The following MRPS27 variants were observed in gnomAD, a reference collection of about 807,000 sequenced individuals.
The protein encoded by MRPS27 is small ribosomal subunit protein mS27.
MRPS27 carries 43 observed loss-of-function variants against 48.9 expected under a neutral mutation model. That is an observed-to-expected ratio of 0.88 (90% CI 0.69 to 1.13). The LOEUF is 1.13. Among genes scored for constraint, MRPS27 ranks in the 50% most tolerant of loss-of-function variants. The pLI, the probability that MRPS27 is intolerant of heterozygous loss-of-function variation, is 0.00. For synonymous variants in MRPS27, 188 were observed against 171.9 expected, an observed-to-expected ratio of 1.09 and a Z score of -0.73; for missense variants, 467 against 476.3, an observed-to-expected ratio of 0.98 and a Z score of 0.18.
chr5:72,308,400 T>A (rs1361431800), intron 2 of MRPS27, among the ~76,000 whole-genome samples: 1 of 152,206 alleles, frequency 6.6e-6, no homozygotes, highest in Non-Finnish European at 1.5e-5. Context: ...GAAAGCCTCA[T>A]ATCGGCCCTC....
At chr5:72,284,502 G>A (rs1423886353) in intron 4 of MRPS27, among the ~76,000 whole-genome samples, 3 of 151,838 alleles carry the variant, frequency 2.0e-5, no homozygotes, top group Admixed American at 6.6e-5. Flanking sequence ...AAAAGAGAAG[G>A]GGGGAGGGAA....
At chr5:72,288,693 A>G (rs1415571007) in intron 4 of MRPS27, 1 of 152,264 alleles carries the variant, frequency 6.6e-6, no homozygotes, top group African/African-American at 2.4e-5. Context: ...ATTAAAGTAT[A>G]GAAGTGCTAC....
intron 10 of MRPS27, among the ~76,000 whole-genome samples, chr5:72,221,897 GAAGT>G (rs1289769485): frequency 2.2e-5 from 2 of 89,996 alleles, no homozygotes; most frequent in South Asian, 3.9e-4. Context: ...TGCTCCTGGA[GAAGT>G]AAGTATTAAA....
intron 3 of MRPS27, among the ~76,000 whole-genome samples, chr5:72,297,372 T>C (rs2112065053): frequency 6.6e-6 from 1 of 152,316 alleles, no homozygotes. Context: ...CAGCAGAATG[T>C]CATATCCTGG....
Position 72,241,804 on chromosome 5 carries a change from C to T in MRPS27, c.282-3676G>A, listed in dbSNP as rs982154657. On this transcript the variant is annotated intron_variant, in intron 4 of 10. Transcript: ENST00000261413. ...CTCTGACCACCAGCCTGGCAGATTA[C>T]AGCCAGCCACTGTAGGAGTCCCCTC... 17 of 949,956 alleles carry T rather than the reference C, an allele frequency of 1.8e-5. No homozygotes were observed. In the African/African-American group the frequency reaches 2.1e-4, roughly 12 times the overall value. The allele number at this position is 949,956 out of a possible 1,614,324, so 58.8% of individuals were successfully genotyped here.
chr5:72,292,381 C>T (rs1749849673), intron 4 of MRPS27, among the ~76,000 whole-genome samples: 1 of 152,074 alleles, frequency 6.6e-6, no homozygotes, highest in Non-Finnish European at 1.5e-5. Flanking sequence ...GAATAGACCA[C>T]GGCCCAAATA....
chr5:72,249,392 A>G (rs1463590534), intron 4 of MRPS27, among the ~76,000 whole-genome samples: 3 of 152,228 alleles, frequency 2.0e-5, no homozygotes, highest in African/African-American at 7.2e-5. Context: ...GATCAAAAAC[A>G]AGTATTTTCA....
chr5:72,277,335 C>T (rs963152957), intron 4 of MRPS27, among the ~76,000 whole-genome samples: 1 of 152,112 alleles, frequency 6.6e-6, no homozygotes, highest in Non-Finnish European at 1.5e-5. Flanking sequence ...ACCAGAAATA[C>T]CATTTGACCC....
At chr5:72,271,494 C>T (rs1017159054) in intron 4 of MRPS27, among the ~76,000 whole-genome samples, 1 of 151,958 alleles carries the variant, frequency 6.6e-6, no homozygotes, top group Non-Finnish European at 1.5e-5. Flanking sequence ...AGTTAAACCC[C>T]GTTCATGTCA....
At chr5:72,304,143 A>G (rs1341657997) in intron 2 of MRPS27, among the ~76,000 whole-genome samples, 1 of 152,114 alleles carries the variant, frequency 6.6e-6, no homozygotes, top group Non-Finnish European at 1.5e-5. Flanking sequence ...TGTGATGAGC[A>G]TTACAATTTA....
intron 4 of MRPS27, among the ~76,000 whole-genome samples, chr5:72,288,229 A>G (rs1315242265): frequency 2.0e-5 from 3 of 147,632 alleles, no homozygotes; most frequent in Admixed American, 2.0e-4. Context: ...TTTTTTTGAG[A>G]TGGAGTCTTG....
At chr5:72,308,497 C>T (rs1259016898) in intron 2 of MRPS27, among the ~76,000 whole-genome samples, 8 of 152,180 alleles carry the variant, frequency 5.3e-5, no homozygotes, top group Non-Finnish European at 1.0e-4. Flanking sequence ...ACATGCTGGG[C>T]GCGGCCCTGC....
intron 1 of MRPS27, among the ~76,000 whole-genome samples, chr5:72,318,125 G>A (rs569443746): frequency 6.6e-6 from 1 of 152,212 alleles, no homozygotes; most frequent in Admixed American, 6.5e-5. Flanking sequence ...TGGGCTGAGG[G>A]TTGGACAAGC....
At chr5:72,292,420 T>G (rs1425843019) in intron 4 of MRPS27, among the ~76,000 whole-genome samples, 1 of 152,200 alleles carries the variant, frequency 6.6e-6, no homozygotes, top group Non-Finnish European at 1.5e-5. Flanking sequence ...TTCTCCTGCC[T>G]GCTGTCTGAA....
chr5:72,233,919 T>A (rs923927710), intron 6 of MRPS27, among the ~76,000 whole-genome samples, 200 bp downstream of exon 6: 1 of 152,198 alleles, frequency 6.6e-6, no homozygotes, highest in African/African-American at 2.4e-5. Context: ...ATCATTTATG[T>A]ACTTTGATAT....
At chr5:72,310,011 G>T (rs1029378811) in intron 2 of MRPS27, among the ~76,000 whole-genome samples, 4 of 152,228 alleles carry the variant, frequency 2.6e-5, no homozygotes, top group African/African-American at 9.7e-5. Flanking sequence ...ACTGTCTCTA[G>T]TGGGAGCCAG....
At chr5:72,274,578 A>AT (rs1749326016) in intron 4 of MRPS27, among the ~76,000 whole-genome samples, 1 of 152,178 alleles carries the variant, frequency 6.6e-6, no homozygotes, top group African/African-American at 2.4e-5. Context: ...TTTCTTTTTC[A>AT]TAAGTAGGAG....
intron 4 of MRPS27, among the ~76,000 whole-genome samples, chr5:72,291,487 C>A (rs1463444331): frequency 1.3e-5 from 2 of 152,132 alleles, no homozygotes; most frequent in Admixed American, 1.3e-4. Flanking sequence ...TGAAATAACA[C>A]TAGCTAGCGG....
At chr5:72,242,021 C>A (rs1038156651) in intron 4 of MRPS27, among the ~76,000 whole-genome samples, 1 of 152,208 alleles carries the variant, frequency 6.6e-6, no homozygotes, top group African/African-American at 2.4e-5. Context: ...AATGTGATTA[C>A]ACTTACAATT....
Sources: gnomAD v4.1 joint callset for allele counts (sites outside exome capture counted in the v4.1 genomes callset) on GRCh38, gnomAD v4.1.1 for gene constraint, MANE v1.5 for transcripts, NCBI Gene and HGNC (gene_info 2026-07-23, HGNC 2026-07-21) for gene names.